ATXN1: variants seen among roughly 807,000 people sequenced by gnomAD.
The protein encoded by ATXN1 is ataxin-1.
In ATXN1, 8 loss-of-function variants were observed where a neutral mutation model predicts 56.4. The ratio of observed to expected loss-of-function variants is 0.14; its 90% CI spans 0.08 to 0.26. ATXN1 has a LOEUF of 0.26. ATXN1 is among the 10% of genes least tolerant of loss of function. The pLI is 1.00. For synonymous variants in ATXN1, 514 were observed against 494.6 expected (o/e 1.04, Z -0.52); for missense variants, 987 against 1,106.5 (o/e 0.89, Z 1.53).
At chr6:16,748,277 C>A (rs774738258) in intron 2 of ATXN1, among the ~76,000 whole-genome samples, 15 of 152,280 alleles carry the variant, frequency 9.9e-5, no homozygotes, top group Non-Finnish European at 1.8e-4. Flanking sequence ...GACAGGCAGG[C>A]ATCAAAAGAG....
chr6:16,367,202 G>A (rs1368345515), intron 6 of ATXN1, among the ~76,000 whole-genome samples: 2 of 152,156 alleles, frequency 1.3e-5, no homozygotes, highest in Non-Finnish European at 2.9e-5. Context: ...ATTAATCATT[G>A]ACATATTGAT....
intron 7 of ATXN1, among the ~76,000 whole-genome samples, chr6:16,321,874 T>C (rs1029347483): frequency 6.6e-6 from 1 of 152,142 alleles, no homozygotes; most frequent in Non-Finnish European, 1.5e-5. Flanking sequence ...TTCTGGAAAG[T>C]ATAAAAGTGA....
At chr6:16,371,996 G>A (rs560003272) in intron 6 of ATXN1, among the ~76,000 whole-genome samples, 3 of 152,256 alleles carry the variant, frequency 2.0e-5, no homozygotes, top group Non-Finnish European at 4.4e-5. Context: ...TTCTTTATGT[G>A]TGATTAAACC....
At chr6:16,405,368 A>G (rs1479208506) in intron 6 of ATXN1, among the ~76,000 whole-genome samples, 1 of 152,142 alleles carries the variant, frequency 6.6e-6, no homozygotes, top group Non-Finnish European at 1.5e-5. Context: ...TTTTATCCTA[A>G]AGACCTTTAT....
chr6:16,525,115 C>T (rs1761365809), intron 4 of ATXN1, among the ~76,000 whole-genome samples: 1 of 152,040 alleles, frequency 6.6e-6, no homozygotes, highest in Non-Finnish European at 1.5e-5. Flanking sequence ...TTTTCCTCAC[C>T]CCTCACAAGT....
At chr6:16,587,783 T>G (rs1762651723) in intron 3 of ATXN1, among the ~76,000 whole-genome samples, 1 of 151,136 alleles carries the variant, frequency 6.6e-6, no homozygotes, top group Admixed American at 6.6e-5. Flanking sequence ...AAAAAAAAAC[T>G]AGCCAGGCAT....
intron 4 of ATXN1, among the ~76,000 whole-genome samples, chr6:16,553,935 C>T (rs929837660): frequency 1.3e-5 from 2 of 152,172 alleles, no homozygotes; most frequent in African/African-American, 4.8e-5. Context: ...TAGGCAAAGC[C>T]TAAAGCATTT....
At chr6:16,511,206 G>T (rs1265544306) in intron 5 of ATXN1, among the ~76,000 whole-genome samples, 2 of 152,122 alleles carry the variant, frequency 1.3e-5, no homozygotes, top group African/African-American at 4.8e-5. Context: ...AATTTAGTTA[G>T]GGAGAGGAAG....
In ATXN1 at chr6:16,537,808, A is replaced by T. The variant is rs144676357; in HGVS notation, c.-360-15120T>A. Among the ~76,000 whole-genome samples the T allele has an allele frequency of 2.7e-3, 411 of 152,174 alleles. 3 individuals are homozygous for T. The highest frequency in any genetic ancestry group is 9.5e-3 in the African/African-American group (395 of 41,518). On this transcript the variant is annotated intron_variant, in intron 4 of 7. Coordinates refer to ENST00000436367, the MANE Select transcript of ATXN1 (RefSeq NM_001128164.2). ...AAAACAGACTTCGATTTGGAAGCTAAAAAAGGTGTCTTGGCCAGGTGCGGT... is the reference window on the plus strand; with the variant it reads ...AAAACAGACTTCGATTTGGAAGCTATAAAAGGTGTCTTGGCCAGGTGCGGT...
chr6:16,723,441 T>C (rs1759785992), intron 2 of ATXN1, among the ~76,000 whole-genome samples: 1 of 152,196 alleles, frequency 6.6e-6, no homozygotes, highest in Non-Finnish European at 1.5e-5. Context: ...GCTACAATCA[T>C]TACTTAATCC....
chr6:16,543,416 T>C lies in ATXN1; in HGVS notation c.-360-20728A>G, dbSNP rs530363700. On this transcript the variant is annotated intron_variant, in intron 4 of 7. Transcript: ENST00000436367. ...CCCTCTGTGTGTATTTTTAAAATAG[T>C]AAAAATTTTAAATGAACATCCTTTA... 2.0e-5 allele frequency among the ~76,000 whole-genome samples: 3 copies of C among 152,210 alleles called. No homozygotes were observed. In the South Asian group the frequency reaches 6.2e-4, roughly 32 times the overall value.
chr6:16,655,940 A>G (rs761887732), intron 3 of ATXN1, among the ~76,000 whole-genome samples: 7 of 151,858 alleles, frequency 4.6e-5, no homozygotes, highest in Non-Finnish European at 8.8e-5. Context: ...AAATACAAAA[A>G]TTAGCTGGGC....
At chr6:16,411,156 G>C (rs1029023868) in intron 6 of ATXN1, among the ~76,000 whole-genome samples, 2 of 142,118 alleles carry the variant, frequency 1.4e-5, no homozygotes, top group Non-Finnish European at 3.1e-5. Flanking sequence ...GAAAAGAAAA[G>C]AAAAGAAAAA....
intron 2 of ATXN1, among the ~76,000 whole-genome samples, chr6:16,669,689 T>TA (rs1491574288): frequency 8.2e-6 from 1 of 121,460 alleles, no homozygotes; most frequent in Non-Finnish European, 1.9e-5. Flanking sequence ...TTTTTTTTTT[T>TA]ACTTTAAGTT....
At chr6:16,403,364 T>G (rs1289895763) in intron 6 of ATXN1, among the ~76,000 whole-genome samples, 7 of 152,154 alleles carry the variant, frequency 4.6e-5, no homozygotes, top group Non-Finnish European at 1.0e-4. Flanking sequence ...AAAAAAAAAT[T>G]TTTTAAGACA....
chr6:16,619,252 C>T (rs1763275341), intron 3 of ATXN1, among the ~76,000 whole-genome samples: 1 of 151,930 alleles, frequency 6.6e-6, no homozygotes, highest in African/African-American at 2.4e-5. Context: ...TATAAAGGGC[C>T]TTACTATTTG....
intron 6 of ATXN1, among the ~76,000 whole-genome samples, chr6:16,477,046 A>G (rs750442447): frequency 4.6e-5 from 7 of 152,238 alleles, no homozygotes; most frequent in Non-Finnish European, 1.0e-4. Context: ...CATACGTCAT[A>G]CTTCCTGTCA....
At position 16,398,982 on chromosome 6, in the gene ATXN1, C is replaced by T. The variant is rs937600455; in HGVS notation, c.-160-70512G>A. ...CCAACGTGGACTCACCATGAGAGGA[C>T]GATCGTGTGCTATTCCATTAAACAT... is the stretch of plus-strand genomic sequence containing the variant. On this transcript the variant is annotated intron_variant, in intron 6 of 7. Coordinates refer to ENST00000436367, the MANE Select transcript of ATXN1 (RefSeq NM_001128164.2). 3.3e-5 allele frequency among the ~76,000 whole-genome samples: 5 copies of T among 152,186 alleles called. No individual in the cohort carries two copies. The East Asian group carries it at 5.8e-4, about 18-fold the overall frequency.
chr6:16,484,323 A>C (rs960529404), intron 6 of ATXN1, among the ~76,000 whole-genome samples: 3 of 152,022 alleles, frequency 2.0e-5, no homozygotes, highest in African/African-American at 7.3e-5. Flanking sequence ...GGTCCCAGCT[A>C]CTCTGAAGGC....
Sources: gnomAD v4.1 joint callset for allele counts (sites outside exome capture counted in the v4.1 genomes callset) on GRCh38, gnomAD v4.1.1 for gene constraint, MANE v1.5 for transcripts, NCBI Gene and HGNC (gene_info 2026-07-23, HGNC 2026-07-21) for gene names.